Variants in FGFRL1 observed in about 807,000 individuals in gnomAD.
The protein encoded by FGFRL1 is fibroblast growth factor receptor-like 1.
A neutral mutation model predicts 36.8 loss-of-function variants in FGFRL1; 24 were observed. The ratio of observed to expected loss-of-function variants is 0.65; its 90% CI spans 0.47 to 0.92. The LOEUF is 0.92. Among genes scored for constraint, FGFRL1 ranks in the 40% least tolerant of loss-of-function variants. The pLI is 0.00. For missense variants in FGFRL1, 785 were observed against 753.4 expected (o/e 1.04, Z -0.49); for synonymous variants, 422 against 344.1 (o/e 1.23, Z -2.50).
intron 2 of FGFRL1, among the ~76,000 whole-genome samples, chr4:1,021,687 C>T (rs970406861): frequency 9.2e-5 from 14 of 152,106 alleles, no homozygotes; most frequent in Non-Finnish European, 1.9e-4. Flanking sequence ...CCGGCTGGGC[C>T]CTGGGCTGAT....
intron 1 of FGFRL1, 112 bp from the exon 2 acceptor site, chr4:1,012,357 CG>C: frequency 4.9e-6 from 6 of 1,222,790 alleles, no homozygotes; most frequent in South Asian, 1.5e-5. Context: ...GGAGCGCGGG[CG>C]GGGAGGGCCT....
Position 1,023,886 on chromosome 4 carries a change from T to C in FGFRL1, c.503T>C (p.Val168Ala). 6.3e-7 allele frequency: 1 copy of C among 1,581,944 alleles called. No individual in the cohort carries two copies. Among genetic ancestry groups the C allele is most frequent in the Non-Finnish European group, 8.6e-7 (1 of 1,168,682 alleles). The change falls in exon 5 of 7, where the codon GTG becomes GCG. Residue 168 changes from valine (V) to alanine (A), a missense_variant. By Grantham distance (64) the Val-to-Ala change is moderately conservative. Coordinates refer to ENST00000510644, the MANE Select transcript of FGFRL1 (RefSeq NM_001004356.3). This position sits in a 1 kb window ranked among gnomAD's most constrained non-coding sequence, Gnocchi z 6.0. ...ATCGCACGGCCCGTGGGTAGCTCCG[T>C]GCGGCTCAAGTGCGTGGCCAGCGGG... ...RVIARPVGSS[V>A]RLKCVASGHP...
At chr4:1,016,299 TC>T (rs1715883318) in intron 2 of FGFRL1, among the ~76,000 whole-genome samples, 2 of 147,300 alleles carry the variant, frequency 1.4e-5, no homozygotes, top group Admixed American at 1.4e-4. Flanking sequence ...TCTGGGGAGT[TC>T]CGGGCAGGGG....
intron 5 of FGFRL1, 34 bp from the exon 6 acceptor site, chr4:1,024,277 C>A (rs778177752): frequency 3.2e-6 from 5 of 1,555,092 alleles, no homozygotes; most frequent in Non-Finnish European, 4.3e-6. Context: ...CCGGCGCGGC[C>A]CAGGAGCCAT....
At chr4:1,012,606 G>C (rs1244750774) in intron 2 of FGFRL1, 42 bp downstream of exon 2, 1 of 967,420 alleles carries the variant, frequency 1.0e-6, no homozygotes, top group Non-Finnish European at 1.4e-6. Context: ...GCCTCCGCCA[G>C]CGCCGCCCCC....
At position 1,012,463 on chromosome 4, in the gene FGFRL1, TC is replaced by T; in HGVS notation, c.-16-3del. On this transcript the variant is annotated splice_polypyrimidine_tract_variant and splice_region_variant and intron_variant, in intron 1 of 6. Coordinates refer to ENST00000510644, the MANE Select transcript of FGFRL1 (RefSeq NM_001004356.3). ...CGTGTTAGTGACGGCGCCCCCAATG[TC>T]CCCAGGTCCGGACAGGCCGAGATGA... The T allele has an allele frequency of 6.3e-7, 1 of 1,575,148 alleles. No homozygotes were observed. The highest frequency in any genetic ancestry group is 2.5e-5 in the East Asian group (1 of 39,660).
At chr4:1,017,410 C>G (rs149999922) in intron 2 of FGFRL1, among the ~76,000 whole-genome samples, 4 of 152,178 alleles carry the variant, frequency 2.6e-5, no homozygotes, top group Non-Finnish European at 5.9e-5. Flanking sequence ...CCCTCCCCAG[C>G]GCACACTGGC....
At chr4:1,024,763 CG>C in intron 6 of FGFRL1, 99 bp downstream of exon 6, 1 of 1,414,398 alleles carries the variant, frequency 7.1e-7, no homozygotes, top group Non-Finnish European at 9.4e-7. Context: ...CCTTCCCTCC[CG>C]GGCCGTGCTG....
intron 2 of FGFRL1, among the ~76,000 whole-genome samples, chr4:1,016,441 C>T (rs1033310015): frequency 7.2e-5 from 11 of 152,094 alleles, no homozygotes; most frequent in Admixed American, 2.0e-4. Context: ...TAGTGCTGTA[C>T]AAGGTTCTCT....
chr4:1,023,793 C>G lies in FGFRL1; in HGVS notation c.434-24C>G. ...CCTTGGCTGCATCCCCGTCCTCTGA[C>G]CTCCACGCCACCCCACCCCGCAGCA... On this transcript the variant is annotated intron_variant, in intron 4 of 6. Coordinates refer to ENST00000510644, the MANE Select transcript of FGFRL1 (RefSeq NM_001004356.3). This position sits in a 1 kb window ranked among gnomAD's most constrained non-coding sequence, Gnocchi z 6.0. The G allele has an allele frequency of 1.9e-6, 3 of 1,567,314 alleles. No individual in the cohort carries two copies. The highest frequency in any genetic ancestry group is 2.6e-6 in the Non-Finnish European group (3 of 1,155,984).
intron 2 of FGFRL1, 61 bp from the exon 3 acceptor site, chr4:1,022,142 G>A (rs376743606): frequency 9.9e-6 from 13 of 1,307,618 alleles, no homozygotes; most frequent in African/African-American, 4.5e-5. Context: ...CCTTTTGACC[G>A]CCCCCCCGGC....
chr4:1,018,783 G>C (rs2153026128), intron 2 of FGFRL1, among the ~76,000 whole-genome samples: 1 of 152,318 alleles, frequency 6.6e-6, no homozygotes, highest in South Asian at 2.1e-4. Context: ...CCTGGCCGCT[G>C]TCCTGGTGTG....
At position 1,025,662 on chromosome 4, in the gene FGFRL1, C is replaced by T. The variant is rs961552311; in HGVS notation, c.*315C>T. On this transcript the variant is annotated 3_prime_UTR_variant, in exon 7 of 7. Transcript: ENST00000510644. ...ATGCACGCACACGCACAGAGACATG[C>T]CAGAACATACAAGGACATGCTGCCT... 6.4e-6 allele frequency: 3 copies of T among 470,918 alleles called. No individual in the cohort carries two copies. Among genetic ancestry groups the T allele is most frequent in the South Asian group, 2.7e-5 (1 of 37,336 alleles). 29.2% of individuals were successfully genotyped at this position (470,918 alleles called of 1,614,324 possible). A position where few individuals can be genotyped will look rare whatever the true frequency, so the allele number is the denominator to read the frequency against.
At position 1,012,527 on chromosome 4, in the gene FGFRL1, G is replaced by C. The variant is rs1577553779; in HGVS notation, c.42G>C (p.Leu14=). 1.3e-6 allele frequency: 2 copies of C among 1,535,894 alleles called. No individual in the cohort carries two copies. The highest frequency in any genetic ancestry group is 1.7e-6 in the Non-Finnish European group (2 of 1,145,628). Residue 14 remains leucine (L), a synonymous_variant, in exon 2 of 7, where the codon CTG becomes CTC. Coordinates refer to ENST00000510644, the MANE Select transcript of FGFRL1 (RefSeq NM_001004356.3). The stretch of plus-strand genomic sequence containing the variant: ...TGTTGCTGCTCCTGCTGCCGCCGCT[G>C]CTGCTGGGGGCCTTCCCGCCGGCCG... ...SPLLLLLLPP[L]LLGAFPPAAA... is the part of the protein sequence containing the mutation.
chr4:1,013,136 C>T (rs11734750), intron 2 of FGFRL1, among the ~76,000 whole-genome samples: 26,370 of 152,240 alleles, frequency 0.17, 2,437 homozygotes, highest in Non-Finnish European at 0.2. Flanking sequence ...AGAGCCGTGA[C>T]GCACCCCAGG....
At position 1,025,243 on chromosome 4, in the gene FGFRL1, T is replaced by C. The variant is rs1379004904; in HGVS notation, c.1411T>C (p.Tyr471His). Residue 471 changes from tyrosine to histidine, a missense_variant, in exon 7 of 7, where the codon TAC becomes CAC. Coordinates refer to ENST00000510644, the MANE Select transcript of FGFRL1 (RefSeq NM_001004356.3). The stretch of plus-strand genomic sequence containing the variant: ...AGGCCCAGTTGCTGGCCCTAAGTTG[T>C]ACCCCAAACTCTACACAGACATCCA... ...GPGPVAGPKL[Y>H]PKLYTDIHTH... 3.7e-6 allele frequency: 6 copies of C among 1,608,456 alleles called. No homozygotes were observed. Among genetic ancestry groups the C allele is most frequent in the Non-Finnish European group, 5.1e-6 (6 of 1,178,004 alleles).
chr4:1,025,563 C>T lies in FGFRL1; in HGVS notation c.*216C>T, dbSNP rs940441071. On this transcript the variant is annotated 3_prime_UTR_variant, in exon 7 of 7. Transcript: ENST00000510644. Reference sequence around the variant, plus strand: ...ATGCACACACATGCGCGCACACGTGCTCCCTGAAGGCACACGTACGCACAC... The same window carrying T: ...ATGCACACACATGCGCGCACACGTGTTCCCTGAAGGCACACGTACGCACAC... The T allele has an allele frequency of 4.2e-5, 27 of 639,522 alleles. No individual in the cohort carries two copies. Among genetic ancestry groups the T allele is most frequent in the Non-Finnish European group, 6.6e-5 (25 of 376,662 alleles). 39.6% of individuals were successfully genotyped at this position (639,522 alleles called of 1,614,324 possible).
chr4:1,013,140 C>T (rs1209527828), intron 2 of FGFRL1, among the ~76,000 whole-genome samples: 1 of 152,228 alleles, frequency 6.6e-6, no homozygotes, highest in Non-Finnish European at 1.5e-5. Flanking sequence ...CCGTGACGCA[C>T]CCCAGGACTG....
chr4:1,026,221 A>ACACG lies in FGFRL1; in HGVS notation c.*882_*885dup. 6.5e-6 allele frequency: 1 copy of ACACG among 154,666 alleles called. No homozygotes were observed. The highest frequency in any genetic ancestry group is 1.9e-4 in the South Asian group (1 of 5,272). The allele number at this position is 154,666 out of a possible 1,614,324, so 9.6% of individuals were successfully genotyped here. ...ACGTGCAGATATGCTGTCCGGATAC[A>ACACG]CACGCACGCACACATGCAGATATGC... On this transcript the variant is annotated 3_prime_UTR_variant, in exon 7 of 7. Coordinates refer to ENST00000510644, the MANE Select transcript of FGFRL1 (RefSeq NM_001004356.3).
Sources: gnomAD v4.1 joint callset for allele counts (sites outside exome capture counted in the v4.1 genomes callset) on GRCh38, gnomAD v4.1.1 for gene constraint, Gnocchi (gnomAD v3.1) non-coding constraint, MANE v1.5 for transcripts, NCBI Gene and HGNC (gene_info 2026-07-23, HGNC 2026-07-21) for gene names.